Variants in CDH6 observed in about 807,000 individuals in gnomAD.
CDH6 encodes cadherin 6, also known as cadherin-6.
CDH6 carries 31 observed loss-of-function variants against 78.0 expected under a neutral mutation model. The observed-to-expected ratio is 0.40, with a 90% CI of 0.30 to 0.54. The LOEUF (loss-of-function observed/expected upper bound fraction) is 0.54, where lower values mean the gene tolerates loss of function less well. CDH6 is among the 20% of genes least tolerant of loss of function. CDH6 has a pLI of 0.56. For synonymous variants in CDH6, 376 were observed against 368.8 expected (o/e 1.02, Z -0.23); for missense variants, 724 against 975.9 (o/e 0.74, Z 3.44).
At chr5:31,302,332 AC>A (rs956523634) in intron 6 of CDH6, 34 bp downstream of exon 6, 2 of 1,503,402 alleles carry the variant, frequency 1.3e-6, no homozygotes, top group East Asian at 2.3e-5. Flanking sequence ...TACAGAGTGA[AC>A]CCATTTACTT....
chr5:31,197,069 A>G (rs1047773469), intron 1 of CDH6, among the ~76,000 whole-genome samples: 1 of 152,114 alleles, frequency 6.6e-6, no homozygotes, highest in Non-Finnish European at 1.5e-5. Context: ...AAGGCCATCT[A>G]ATTCAAAGAA....
chr5:31,270,728 GCT>G (rs1438869724), intron 2 of CDH6, among the ~76,000 whole-genome samples: 3 of 151,336 alleles, frequency 2.0e-5, no homozygotes, highest in Non-Finnish European at 2.9e-5. Context: ...CTGGGGTCTT[GCT>G]CTGTCACCCA....
rs1244927551 is a variant in CDH6 at position 31,316,303 on chromosome 5, G to A, written c.1486G>A (p.Val496Ile). Residue 496 changes from valine (V) to isoleucine (I), a missense_variant, in exon 9 of 12, where the codon GTC (valine) becomes ATC (isoleucine). By Grantham distance (29) the Val-to-Ile change is conservative. Around this residue, in one of 3 missense-constraint regions of CDH6, gnomAD observed 446 missense variants for 684.5 expected, o/e 0.65. Coordinates refer to ENST00000265071, the MANE Select transcript of CDH6 (RefSeq NM_004932.4). The part of the protein sequence containing the change: ...PEFAEFYETF[V>I]CEKAKADQLI... ...ATTTGCTGAGTTCTATGAAACTTTT[G>A]TCTGTGAAAAAGCAAAGGCAGATCA... 6.2e-7 allele frequency: 1 copy of A among 1,613,082 alleles called. No homozygotes were observed. The highest frequency in any genetic ancestry group is 8.5e-7 in the Non-Finnish European group (1 of 1,179,556).
In CDH6 at chr5:31,255,776, TAA is replaced by T. The variant is rs1362999626; in HGVS notation, c.-128-11569_-128-11568del. On this transcript the variant is annotated intron_variant, in intron 1 of 11. Transcript: ENST00000265071. ...ACAAAATTTATTACATTAATTATTCTAAGTTATTATACCAAGATATTATGAGA... is the reference window on the plus strand; with the variant it reads ...ACAAAATTTATTACATTAATTATTCTGTTATTATACCAAGATATTATGAGA... Among the ~76,000 whole-genome samples the T allele has an allele frequency of 3.3e-5, 5 of 152,374 alleles. No homozygotes were observed. The East Asian group carries it at 5.8e-4, about 18-fold the overall frequency.
At chr5:31,322,648 C>T (rs1360226709) in intron 11 of CDH6, among the ~76,000 whole-genome samples, 170 bp from the exon 12 acceptor site, 6 of 152,048 alleles carry the variant, frequency 3.9e-5, no homozygotes, top group East Asian at 1.9e-4. Flanking sequence ...TTTATGGGTC[C>T]CGGTTTGATC....
At chr5:31,258,860 T>C (rs1742129998) in intron 1 of CDH6, among the ~76,000 whole-genome samples, 1 of 152,154 alleles carries the variant, frequency 6.6e-6, no homozygotes, top group Non-Finnish European at 1.5e-5. Flanking sequence ...ATTGAGCACT[T>C]GTCATGTGGG....
At chr5:31,195,290 GTTAA>G (rs1740131646) in intron 1 of CDH6, among the ~76,000 whole-genome samples, 1 of 152,056 alleles carries the variant, frequency 6.6e-6, no homozygotes, top group Non-Finnish European at 1.5e-5. Flanking sequence ...TTTCTGAGTG[GTTAA>G]TTATCCAGGG....
At chr5:31,205,197 G>T (rs147440907) in intron 1 of CDH6, among the ~76,000 whole-genome samples, 1 of 152,282 alleles carries the variant, frequency 6.6e-6, no homozygotes, top group Admixed American at 6.5e-5. Context: ...AGCTACGAAA[G>T]CATCTCTTAA....
At chr5:31,229,107 T>C (rs1192797537) in intron 1 of CDH6, among the ~76,000 whole-genome samples, 2 of 152,236 alleles carry the variant, frequency 1.3e-5, no homozygotes, top group Non-Finnish European at 2.9e-5. Flanking sequence ...GGGTACCAAC[T>C]GCCCAAACTA....
chr5:31,252,042 C>G (rs762117209), intron 1 of CDH6, among the ~76,000 whole-genome samples: 15 of 152,234 alleles, frequency 9.9e-5, no homozygotes, highest in South Asian at 2.1e-4. Flanking sequence ...AAAATTGGAG[C>G]CTTTAATGCT....
chr5:31,283,811 C>G (rs1403447917), intron 2 of CDH6, among the ~76,000 whole-genome samples: 1 of 138,416 alleles, frequency 7.2e-6, no homozygotes, highest in Admixed American at 7.6e-5. Context: ...TTTCTAGATT[C>G]TCTCTTTTTT....
chr5:31,224,228 C>T (rs1019506377), intron 1 of CDH6, among the ~76,000 whole-genome samples: 4 of 152,136 alleles, frequency 2.6e-5, no homozygotes, highest in African/African-American at 4.8e-5. Context: ...AGAGTTTGTG[C>T]GGGGGAACTC....
intron 2 of CDH6, among the ~76,000 whole-genome samples, chr5:31,276,792 C>T (rs1055070600): frequency 2.0e-4 from 30 of 152,126 alleles, no homozygotes; most frequent in African/African-American, 7.0e-4. Flanking sequence ...TGTGCCCCCT[C>T]GATTCCTCAA....
intron 1 of CDH6, among the ~76,000 whole-genome samples, chr5:31,201,551 A>C (rs1226115304): frequency 4.6e-5 from 7 of 152,212 alleles, no homozygotes; most frequent in African/African-American, 1.7e-4. Context: ...TAAAATGTCA[A>C]TTCTTTCATG....
chr5:31,225,414 T>C (rs751492832), intron 1 of CDH6, among the ~76,000 whole-genome samples: 1 of 152,190 alleles, frequency 6.6e-6, no homozygotes, highest in Non-Finnish European at 1.5e-5. Flanking sequence ...GTATTAGTCA[T>C]TCCCGCATTG....
At chr5:31,291,040 C>A (rs1306790160) in intron 2 of CDH6, among the ~76,000 whole-genome samples, 1 of 152,068 alleles carries the variant, frequency 6.6e-6, no homozygotes, top group African/African-American at 2.4e-5. Flanking sequence ...TTACTTTTAC[C>A]TGAATAAATC....
intron 11 of CDH6, among the ~76,000 whole-genome samples, chr5:31,321,570 C>A (rs1738479526): frequency 6.6e-6 from 1 of 152,038 alleles, no homozygotes; most frequent in South Asian, 2.1e-4. Context: ...TAGTACAGGG[C>A]TTAACACATG....
chr5:31,244,631 T>C (rs1373083070), intron 1 of CDH6, among the ~76,000 whole-genome samples: 3 of 152,018 alleles, frequency 2.0e-5, no homozygotes, highest in Non-Finnish European at 4.4e-5. Flanking sequence ...TATCAGTATA[T>C]AGATGTGTAT....
rs564096710 is a variant in CDH6 at position 31,293,942 on chromosome 5, A to C, written c.229-20A>C. The C allele has an allele frequency of 9.8e-6, 14 of 1,422,472 alleles. No homozygotes were observed. In the African/African-American group the frequency reaches 1.7e-4, roughly 18 times the overall value. 88.1% of individuals were successfully genotyped at this position (1,422,472 alleles called of 1,614,324 possible). A position where few individuals can be genotyped will look rare whatever the true frequency, so the allele number is the denominator to read the frequency against. On this transcript the variant is annotated intron_variant, in intron 2 of 11. Transcript: ENST00000265071. ...ACATGCTTGACTTTTACTTTCTTTA[A>C]TTTTTTTTTTCTACACTAGTTACAT... is the stretch of plus-strand genomic sequence containing the variant.
Sources: gnomAD v4.1 joint callset for allele counts (sites outside exome capture counted in the v4.1 genomes callset) on GRCh38, gnomAD v4.1.1 for gene constraint, gnomAD v4.1.1 regional missense constraint, MANE v1.5 for transcripts, NCBI Gene and HGNC (gene_info 2026-07-23, HGNC 2026-07-21) for gene names.